The following CORIN variants were observed in gnomAD, a reference collection of about 807,000 sequenced individuals.
CORIN encodes corin, serine peptidase.
CORIN carries 117 observed loss-of-function variants against 125.3 expected under a neutral mutation model. That is an observed-to-expected ratio of 0.93 (90% CI 0.80 to 1.09). The LOEUF is 1.09. Ranked by LOEUF, CORIN falls within the 50% of genes least tolerant of loss-of-function variation. CORIN has a pLI of 0.00. For synonymous variants in CORIN, 450 were observed against 466.4 expected, an observed-to-expected ratio of 0.96 and a Z score of 0.45; for missense variants, 1,253 against 1,306.7, an observed-to-expected ratio of 0.96 and a Z score of 0.63.
At chr4:47,700,847 C>T (rs146452993) in intron 5 of CORIN, among the ~76,000 whole-genome samples, 31 of 152,378 alleles carry the variant, frequency 2.0e-4, no homozygotes, top group Admixed American at 9.8e-4. Context: ...CTCCATGCCA[C>T]TCAACCTGGG....
intron 19 of CORIN, among the ~76,000 whole-genome samples, chr4:47,615,664 T>C (rs576223803): frequency 6.6e-6 from 1 of 152,218 alleles, no homozygotes; most frequent in East Asian, 1.9e-4. Context: ...ATACCAAAAA[T>C]TGCCAGGAAA....
chr4:47,774,329 AG>A (rs1730192790), intron 3 of CORIN, among the ~76,000 whole-genome samples: 1 of 152,156 alleles, frequency 6.6e-6, no homozygotes, highest in Non-Finnish European at 1.5e-5. Context: ...CTCAGCTGGC[AG>A]GGCAGGAGCC....
chr4:47,637,644 G>A (rs1412811718), intron 16 of CORIN, among the ~76,000 whole-genome samples: 1 of 152,234 alleles, frequency 6.6e-6, no homozygotes, highest in Non-Finnish European at 1.5e-5. Flanking sequence ...TGTTGAGCCT[G>A]TGAGTGCACA....
chr4:47,730,342 G>A (rs937149825), intron 5 of CORIN, among the ~76,000 whole-genome samples: 3 of 151,844 alleles, frequency 2.0e-5, no homozygotes, highest in African/African-American at 7.3e-5. Flanking sequence ...GCGTGGTGGC[G>A]GCTGCCTGTA....
At chr4:47,727,566 A>G (rs1304822799) in intron 5 of CORIN, among the ~76,000 whole-genome samples, 1 of 152,134 alleles carries the variant, frequency 6.6e-6, no homozygotes, top group Non-Finnish European at 1.5e-5. Flanking sequence ...TTTTATGCAC[A>G]GTTTTGTTCT....
At chr4:47,612,082 G>A (rs1037001399) in intron 19 of CORIN, among the ~76,000 whole-genome samples, 4 of 152,194 alleles carry the variant, frequency 2.6e-5, no homozygotes, top group African/African-American at 9.7e-5. Flanking sequence ...CTCATAAAAT[G>A]AGTGAGAGAG....
intron 5 of CORIN, among the ~76,000 whole-genome samples, chr4:47,716,092 G>C (rs1727074669): frequency 6.6e-6 from 1 of 152,152 alleles, no homozygotes; most frequent in Non-Finnish European, 1.5e-5. Context: ...TAACACTTGT[G>C]TTGCTCCCTA....
intron 20 of CORIN, 116 bp from the exon 21 acceptor site, chr4:47,600,463 G>A (rs570560735): frequency 4.4e-6 from 3 of 681,768 alleles, no homozygotes; most frequent in East Asian, 5.8e-5. Flanking sequence ...TATACCAAGA[G>A]AGGCATATTC....
At chr4:47,608,363 A>G (rs892415678) in intron 19 of CORIN, among the ~76,000 whole-genome samples, 2 of 152,176 alleles carry the variant, frequency 1.3e-5, no homozygotes, top group Non-Finnish European at 2.9e-5. Context: ...AAGAAAAGAA[A>G]GCCAAGTATA....
chr4:47,630,145 T>C (rs1477622169), intron 16 of CORIN, among the ~76,000 whole-genome samples: 1 of 152,184 alleles, frequency 6.6e-6, no homozygotes, highest in Non-Finnish European at 1.5e-5. Context: ...ATCGTAAACA[T>C]TCACCTTCGC....
At chr4:47,778,458 T>C (rs1004241643) in intron 3 of CORIN, among the ~76,000 whole-genome samples, 1 of 152,214 alleles carries the variant, frequency 6.6e-6, no homozygotes, top group Admixed American at 6.5e-5. Flanking sequence ...AGTTTGCTCT[T>C]TCTGGGAGGA....
intron 10 of CORIN, among the ~76,000 whole-genome samples, chr4:47,673,243 G>A (rs1173430759): frequency 6.6e-6 from 1 of 151,722 alleles, no homozygotes; most frequent in Non-Finnish European, 1.5e-5. Flanking sequence ...GGGTGTGGTG[G>A]TGTGTGCCTA....
chr4:47,740,786 A>G (rs1455821211), intron 5 of CORIN, among the ~76,000 whole-genome samples: 1 of 152,000 alleles, frequency 6.6e-6, no homozygotes, highest in Non-Finnish European at 1.5e-5. Context: ...TTGAAAGTCC[A>G]GAAATAAACC....
chr4:47,739,755 T>C (rs1029373403), intron 5 of CORIN, among the ~76,000 whole-genome samples: 14 of 152,102 alleles, frequency 9.2e-5, no homozygotes, highest in Non-Finnish European at 1.5e-4. Flanking sequence ...ATGTTGAGAT[T>C]ATATTATATA....
intron 16 of CORIN, among the ~76,000 whole-genome samples, chr4:47,639,497 C>G (rs1270845983): frequency 6.6e-6 from 1 of 152,184 alleles, no homozygotes; most frequent in East Asian, 1.9e-4. Flanking sequence ...AAGGGGAATG[C>G]TGAATGGAAT....
chr4:47,755,554 C>T (rs181110531), intron 4 of CORIN, among the ~76,000 whole-genome samples: 6 of 152,288 alleles, frequency 3.9e-5, no homozygotes, highest in Admixed American at 3.9e-4. Flanking sequence ...TAAGAAGAAG[C>T]ACAGAGCTGC....
intron 5 of CORIN, among the ~76,000 whole-genome samples, chr4:47,701,880 T>C (rs1214044275): frequency 2.0e-5 from 3 of 152,048 alleles, no homozygotes; most frequent in African/African-American, 7.2e-5. Flanking sequence ...TTTTAAATCG[T>C]TGGAAAACAA....
At chr4:47,706,954 G>A (rs1461808766) in intron 5 of CORIN, 1 of 1,596,944 alleles carries the variant, frequency 6.3e-7, no homozygotes, top group African/African-American at 1.3e-5. Context: ...CTTGGAGAAG[G>A]CGCAATACTC....
chr4:47,669,599 C>T (rs749509774), intron 10 of CORIN, among the ~76,000 whole-genome samples: 22 of 148,430 alleles, frequency 1.5e-4, no homozygotes, highest in Non-Finnish European at 2.8e-4. Context: ...GACAGAGTCT[C>T]GCTCTGTCAC....
Sources: gnomAD v4.1 joint callset for allele counts (sites outside exome capture counted in the v4.1 genomes callset) on GRCh38, gnomAD v4.1.1 for gene constraint, MANE v1.5 for transcripts, NCBI Gene and HGNC (gene_info 2026-07-23, HGNC 2026-07-21) for gene names.